The following STK32B variants were observed in gnomAD, a reference collection of about 807,000 sequenced individuals.
The protein encoded by STK32B is serine/threonine-protein kinase 32B.
In STK32B, 43 loss-of-function variants were observed where a neutral mutation model predicts 52.6. The observed-to-expected ratio is 0.82, with a 90% CI of 0.64 to 1.05. The LOEUF (loss-of-function observed/expected upper bound fraction) is 1.05, where lower values mean the gene tolerates loss of function less well. Ranked by LOEUF, STK32B falls within the 50% of genes least tolerant of loss-of-function variation. The pLI, the probability that STK32B is intolerant of heterozygous loss-of-function variation, is 0.00. For missense variants in STK32B, 621 were observed against 534.6 expected (o/e 1.16, Z -1.59); for synonymous variants, 238 against 204.3 (o/e 1.17, Z -1.41).
intron 3 of STK32B, among the ~76,000 whole-genome samples, chr4:5,285,876 C>G (rs987438099): frequency 5.3e-5 from 8 of 152,090 alleles, no homozygotes; most frequent in African/African-American, 1.9e-4. Context: ...ATCGCTAACC[C>G]CCTATACCTC....
At chr4:5,199,293 T>C (rs1350391699) in intron 3 of STK32B, among the ~76,000 whole-genome samples, 1 of 152,208 alleles carries the variant, frequency 6.6e-6, no homozygotes, top group African/African-American at 2.4e-5. Context: ...GTAGAAGGAC[T>C]AATAAGGTGT....
chr4:5,438,523 G>C (rs1714344740), intron 6 of STK32B, among the ~76,000 whole-genome samples: 1 of 152,214 alleles, frequency 6.6e-6, no homozygotes, highest in East Asian at 1.9e-4. Flanking sequence ...CCAGATTTCT[G>C]GTTTGGGTAA....
intron 1 of STK32B, among the ~76,000 whole-genome samples, chr4:5,117,882 C>T (rs1368001729): frequency 6.6e-6 from 1 of 152,104 alleles, no homozygotes; most frequent in Non-Finnish European, 1.5e-5. Context: ...GTTGAACCAT[C>T]CCAGCATCCC....
intron 1 of STK32B, among the ~76,000 whole-genome samples, chr4:5,116,437 C>A (rs1321932271): frequency 6.6e-6 from 1 of 152,162 alleles, no homozygotes; most frequent in Non-Finnish European, 1.5e-5. Context: ...ATACCTACAT[C>A]TGTGGAATAG....
intron 3 of STK32B, among the ~76,000 whole-genome samples, chr4:5,312,542 T>A (rs1484283293): frequency 1.3e-5 from 2 of 151,840 alleles, no homozygotes; most frequent in Non-Finnish European, 2.9e-5. Flanking sequence ...GCGTGTTTGG[T>A]TTTTTGTTCT....
intron 3 of STK32B, among the ~76,000 whole-genome samples, chr4:5,207,602 C>T (rs1044581980): frequency 1.3e-5 from 2 of 151,940 alleles, no homozygotes; most frequent in Admixed American, 1.3e-4. Context: ...CCCTGTGACA[C>T]CTGTCCCAGT....
At chr4:5,244,319 T>G (rs993867257) in intron 3 of STK32B, among the ~76,000 whole-genome samples, 2 of 152,072 alleles carry the variant, frequency 1.3e-5, no homozygotes, top group African/African-American at 2.4e-5. Context: ...GTGTATGTGT[T>G]GAGGAATTTA....
intron 4 of STK32B, among the ~76,000 whole-genome samples, chr4:5,376,120 C>T (rs999501880): frequency 1.3e-5 from 2 of 152,180 alleles, no homozygotes; most frequent in African/African-American, 4.8e-5. Flanking sequence ...TTTTCCAGGT[C>T]CTGTGGGGGT....
At position 5,499,124 on chromosome 4, in the gene STK32B, T is replaced by C. The variant is rs774213567; in HGVS notation, c.*41T>C. The C allele has an allele frequency of 3.8e-6, 6 of 1,558,650 alleles. No homozygotes were observed. On this transcript the variant is annotated 3_prime_UTR_variant, in exon 12 of 12. Transcript: ENST00000282908. ...TGCTCAACAGGACTGCACTCGTCTCTGCCCTGCCCACCCAGAGCCCCTCTT... is the reference window on the plus strand; with the variant it reads ...TGCTCAACAGGACTGCACTCGTCTCCGCCCTGCCCACCCAGAGCCCCTCTT...
At chr4:5,083,157 G>A (rs1712531090) in intron 1 of STK32B, among the ~76,000 whole-genome samples, 1 of 152,114 alleles carries the variant, frequency 6.6e-6, no homozygotes, top group Non-Finnish European at 1.5e-5. Context: ...ATGATTACGA[G>A]CAGTTTTAAG....
intron 4 of STK32B, among the ~76,000 whole-genome samples, chr4:5,374,134 G>A (rs1316184064): frequency 6.6e-6 from 1 of 152,144 alleles, no homozygotes; most frequent in East Asian, 1.9e-4. Context: ...GGAATGCCAG[G>A]AACCACCAGA....
At chr4:5,193,876 C>T (rs574820698) in intron 3 of STK32B, among the ~76,000 whole-genome samples, 3 of 152,352 alleles carry the variant, frequency 2.0e-5, no homozygotes, top group Non-Finnish European at 4.4e-5. Context: ...AACCCACATC[C>T]TTCAGAGACA....
intron 3 of STK32B, among the ~76,000 whole-genome samples, chr4:5,289,047 T>C (rs1261695345): frequency 2.6e-5 from 4 of 152,194 alleles, no homozygotes; most frequent in African/African-American, 7.2e-5. Flanking sequence ...AAAGGTTTCA[T>C]TGGGCTATTG....
At chr4:5,282,323 A>T (rs1308322890) in intron 3 of STK32B, among the ~76,000 whole-genome samples, 1 of 152,176 alleles carries the variant, frequency 6.6e-6, no homozygotes, top group Non-Finnish European at 1.5e-5. Flanking sequence ...CAAGTCCCTT[A>T]TATAAAATGC....
In STK32B at chr4:5,378,562, T is replaced by A. The variant is rs1735726901; in HGVS notation, c.435-19645T>A. Among the ~76,000 whole-genome samples the A allele has an allele frequency of 1.3e-5, 2 of 152,154 alleles. No homozygotes were observed. The highest frequency in any genetic ancestry group is 1.3e-4 in the Admixed American group (2 of 15,282). ...TTTGCATTCTATAGTATTGATAGGG[T>A]TTGTTATGCCCTTTGTCTTCTCCAC... On this transcript the variant is annotated intron_variant, in intron 4 of 11. Coordinates refer to ENST00000282908, the MANE Select transcript of STK32B (RefSeq NM_018401.3). This position sits in a 1 kb window ranked among gnomAD's most constrained non-coding sequence, Gnocchi z 4.4.
rs1560368138 is a variant in STK32B, at chr4:5,380,986, T to A, written c.435-17221T>A. 1.3e-5 allele frequency among the ~76,000 whole-genome samples: 2 copies of A among 152,180 alleles called. No individual in the cohort carries two copies. Among genetic ancestry groups the A allele is most frequent in the Non-Finnish European group, 2.9e-5 (2 of 68,034 alleles). ...CTGGCCCACCGCCTGGGAAGCAATT[T>A]GCAGAGCAGTTACACAGTGTAAATG... On this transcript the variant is annotated intron_variant, in intron 4 of 11. Transcript: ENST00000282908. The surrounding 1 kb of genome is among the most constrained non-coding windows in gnomAD (Gnocchi z 4.3).
At chr4:5,256,680 C>T (rs1047155955) in intron 3 of STK32B, among the ~76,000 whole-genome samples, 3 of 152,246 alleles carry the variant, frequency 2.0e-5, no homozygotes, top group Admixed American at 2.0e-4. Flanking sequence ...CTTCTCCTGC[C>T]TCCTGTCTGA....
At chr4:5,135,867 A>G (rs1228654066) in intron 1 of STK32B, among the ~76,000 whole-genome samples, 2 of 152,222 alleles carry the variant, frequency 1.3e-5, no homozygotes, top group African/African-American at 4.8e-5. Flanking sequence ...TTAGATCTGG[A>G]TCACAAGGTC....
At chr4:5,257,155 G>T (rs936015047) in intron 3 of STK32B, among the ~76,000 whole-genome samples, 3 of 152,062 alleles carry the variant, frequency 2.0e-5, no homozygotes, top group African/African-American at 7.2e-5. Context: ...GAATGAGCGG[G>T]CAACTGAGTG....
Sources: gnomAD v4.1 joint callset for allele counts (sites outside exome capture counted in the v4.1 genomes callset) on GRCh38, gnomAD v4.1.1 for gene constraint, Gnocchi (gnomAD v3.1) non-coding constraint, MANE v1.5 for transcripts, NCBI Gene and HGNC (gene_info 2026-07-23, HGNC 2026-07-21) for gene names.